Variants in ARL15 observed in about 807,000 individuals in gnomAD.
ARL15 encodes the protein ARF like GTPase 15, also known as ADP-ribosylation factor-like protein 15.
In ARL15, 19 loss-of-function variants were observed where a neutral mutation model predicts 25.2. The observed-to-expected ratio is 0.75, with a 90% CI of 0.53 to 1.10. The LOEUF (loss-of-function observed/expected upper bound fraction) is 1.10, where lower values mean the gene tolerates loss of function less well. ARL15 is among the 50% of genes least tolerant of loss of function. The pLI, the probability that ARL15 is intolerant of heterozygous loss-of-function variation, is 0.00. For missense variants in ARL15, 220 were observed against 246.0 expected (o/e 0.89, Z 0.71); for synonymous variants, 94 against 86.8 (o/e 1.08, Z -0.46).
chr5:53,932,480 G>C (rs1041634270), intron 4 of ARL15, among the ~76,000 whole-genome samples: 2 of 152,104 alleles, frequency 1.3e-5, no homozygotes, highest in South Asian at 2.1e-4. Context: ...CCAATCTCAG[G>C]CTTTCTAAAT....
At chr5:53,938,766 C>A (rs1248713101) in intron 4 of ARL15, among the ~76,000 whole-genome samples, 2 of 152,170 alleles carry the variant, frequency 1.3e-5, no homozygotes, top group Non-Finnish European at 2.9e-5. Flanking sequence ...ATCGCTTGAA[C>A]CTGGGAGGTA....
chr5:54,023,032 G>A (rs1212214269), intron 4 of ARL15, among the ~76,000 whole-genome samples: 2 of 152,114 alleles, frequency 1.3e-5, no homozygotes, highest in East Asian at 3.9e-4. Context: ...GGATAGGCTC[G>A]ACAGCAGGAT....
chr5:54,028,549 T>A (rs925084752), intron 4 of ARL15, among the ~76,000 whole-genome samples: 1 of 152,040 alleles, frequency 6.6e-6, no homozygotes, highest in Admixed American at 6.6e-5. Flanking sequence ...GCAATAACAT[T>A]TTCTAAGTTT....
intron 4 of ARL15, among the ~76,000 whole-genome samples, chr5:54,098,695 T>G (rs956669516): frequency 6.6e-6 from 1 of 152,206 alleles, no homozygotes; most frequent in Admixed American, 6.5e-5. Flanking sequence ...TGGGGTTTCC[T>G]CCTCTTCTGC....
intron 4 of ARL15, among the ~76,000 whole-genome samples, chr5:54,040,771 C>T (rs185151421): frequency 3.8e-4 from 58 of 152,226 alleles, no homozygotes; most frequent in Non-Finnish European, 7.4e-4. Context: ...AGGGAAATTG[C>T]TCTATAACAG....
intron 4 of ARL15, chr5:53,912,099 G>A (rs1221888876): frequency 1.3e-5 from 2 of 151,416 alleles, no homozygotes; most frequent in African/African-American, 2.4e-5. Flanking sequence ...TCCAATTTTA[G>A]TATATGTGTT....
At chr5:54,236,404 A>T (rs537137131) in intron 1 of ARL15, among the ~76,000 whole-genome samples, 1 of 127,218 alleles carries the variant, frequency 7.9e-6, no homozygotes, top group East Asian at 2.5e-4. Context: ...GAAACTAAAC[A>T]CAGACACACA....
intron 1 of ARL15, among the ~76,000 whole-genome samples, chr5:54,289,163 A>G (rs548583623): frequency 3.9e-4 from 59 of 152,320 alleles, no homozygotes; most frequent in Non-Finnish European, 6.0e-4. Flanking sequence ...TGAAGCACCA[A>G]TGAACTTTGT....
intron 1 of ARL15, among the ~76,000 whole-genome samples, chr5:54,258,799 C>T (rs547508966): frequency 6.6e-6 from 1 of 152,304 alleles, no homozygotes; most frequent in East Asian, 1.9e-4. Context: ...ATGAAGATCA[C>T]AGGCCCAAAG....
At chr5:54,078,617 C>A (rs1751688434) in intron 4 of ARL15, among the ~76,000 whole-genome samples, 1 of 152,188 alleles carries the variant, frequency 6.6e-6, no homozygotes, top group Non-Finnish European at 1.5e-5. Flanking sequence ...ACAGGAGTAT[C>A]CTCCAAAATT....
At chr5:54,063,464 T>TGAGC (rs1194705169) in intron 4 of ARL15, among the ~76,000 whole-genome samples, 1 of 152,166 alleles carries the variant, frequency 6.6e-6, no homozygotes, top group Non-Finnish European at 1.5e-5. Flanking sequence ...GCTTACCTGA[T>TGAGC]ATAGTAAGAT....
At position 54,243,432 on chromosome 5, in the gene ARL15, T is replaced by C. The variant is rs554057795; in HGVS notation, c.48+67000A>G. Among the ~76,000 whole-genome samples, 15 of 152,354 alleles carry C rather than the reference T, an allele frequency of 9.8e-5. No homozygotes were observed. In the East Asian group the frequency reaches 1.7e-3, roughly 18 times the overall value. On this transcript the variant is annotated intron_variant, in intron 1 of 4. Transcript: ENST00000504924. ...CACAGACTGTGTTATAAACAAATCC[T>C]TGCTAGTCTAGGCACCAGTTGAAAT...
At chr5:54,005,883 C>CAAA (rs1491268003) in intron 4 of ARL15, among the ~76,000 whole-genome samples, 3 of 146,346 alleles carry the variant, frequency 2.0e-5, no homozygotes, top group South Asian at 2.2e-4. Flanking sequence ...ACCAAAAAAA[C>CAAA]CCAAAAATAG....
chr5:53,979,829 TTGTGTGTGTGTGTGTG>T (rs70986653), intron 4 of ARL15, among the ~76,000 whole-genome samples: 42,884 of 143,222 alleles, frequency 0.3, 7,011 homozygotes, highest in East Asian at 0.42. Context: ...TTAAAGTCTT[TTGTGTGTGTGTGTGTG>T]TGTGTGTGTG....
At chr5:53,951,258 G>T (rs1746943113) in intron 4 of ARL15, among the ~76,000 whole-genome samples, 1 of 152,176 alleles carries the variant, frequency 6.6e-6, no homozygotes, top group Non-Finnish European at 1.5e-5. Flanking sequence ...TAGAGAAAAG[G>T]TTTGCAGACC....
At chr5:54,229,100 C>G (rs554477216) in intron 1 of ARL15, among the ~76,000 whole-genome samples, 1 of 152,212 alleles carries the variant, frequency 6.6e-6, no homozygotes, top group South Asian at 2.1e-4. Flanking sequence ...ACTGAGTCGT[C>G]TCAATTCATT....
At chr5:53,953,814 T>A (rs1302542435) in intron 4 of ARL15, among the ~76,000 whole-genome samples, 3 of 152,176 alleles carry the variant, frequency 2.0e-5, no homozygotes, top group Non-Finnish European at 4.4e-5. Flanking sequence ...ATAATATCTA[T>A]TTGTTGATTC....
At chr5:54,071,995 A>C (rs1751440340) in intron 4 of ARL15, among the ~76,000 whole-genome samples, 1 of 145,276 alleles carries the variant, frequency 6.9e-6, no homozygotes, top group East Asian at 2.0e-4. Flanking sequence ...AAAAAAAAAA[A>C]GAAAAAAAAA....
At chr5:53,938,681 C>T (rs896554465) in intron 4 of ARL15, among the ~76,000 whole-genome samples, 7 of 152,086 alleles carry the variant, frequency 4.6e-5, no homozygotes, top group Non-Finnish European at 1.0e-4. Context: ...TAAAAATTGG[C>T]CGGGTGTGGT....
Sources: gnomAD v4.1 joint callset for allele counts (sites outside exome capture counted in the v4.1 genomes callset) on GRCh38, gnomAD v4.1.1 for gene constraint, MANE v1.5 for transcripts, NCBI Gene and HGNC (gene_info 2026-07-23, HGNC 2026-07-21) for gene names.